Variants in DCLK1 observed in about 807,000 individuals in gnomAD.
The protein encoded by DCLK1 is doublecortin like kinase 1.
A neutral mutation model predicts 86.2 loss-of-function variants in DCLK1; 16 were observed. The observed-to-expected ratio is 0.19, with a 90% CI of 0.13 to 0.28. The LOEUF (loss-of-function observed/expected upper bound fraction) is 0.28. DCLK1 is among the 10% of genes least tolerant of loss of function. The pLI, the probability that DCLK1 is intolerant of heterozygous loss-of-function variation, is 1.00. For synonymous variants in DCLK1, 369 were observed against 370.5 expected (o/e 1.00, Z 0.05); for missense variants, 590 against 940.2 (o/e 0.63, Z 4.87).
Position 35,806,028 on chromosome 13 carries a change from A to G in DCLK1, c.1864-249T>C, listed in dbSNP as rs192373456. Among the ~76,000 whole-genome samples, 164 of 152,330 alleles carry G rather than the reference A, an allele frequency of 1.1e-3. 2 individuals carry two copies. The highest frequency in any genetic ancestry group is 1.8e-4 in the Non-Finnish European group (12 of 68,026). On this transcript the variant is annotated intron_variant, in intron 14 of 16. Transcript: ENST00000360631. ...TTAATATCAGAATCATTTTCATAAA[A>G]ATGTTTGTAATAGAAAAGAAATTAT...
intron 4 of DCLK1, among the ~76,000 whole-genome samples, chr13:35,873,993 T>C (rs1293334535): frequency 6.6e-6 from 1 of 152,254 alleles, no homozygotes; most frequent in African/African-American, 2.4e-5. Flanking sequence ...TTGTAGGTAG[T>C]TGTTGAAATA....
At chr13:35,835,334 G>A (rs1214578951) in intron 8 of DCLK1, among the ~76,000 whole-genome samples, 2 of 152,138 alleles carry the variant, frequency 1.3e-5, no homozygotes, top group Non-Finnish European at 2.9e-5. Context: ...CCAGCCCTGA[G>A]GAGAAGCTGC....
intron 15 of DCLK1, among the ~76,000 whole-genome samples, chr13:35,804,007 A>C (rs1017965738): frequency 1.3e-5 from 2 of 152,240 alleles, no homozygotes; most frequent in African/African-American, 4.8e-5. Context: ...TTACAAAGTT[A>C]CAATGTTGTT....
intron 3 of DCLK1, among the ~76,000 whole-genome samples, chr13:36,041,321 G>T (rs575754668): frequency 6.6e-6 from 1 of 152,182 alleles, no homozygotes; most frequent in African/African-American, 2.4e-5. Flanking sequence ...TGAGTACCTG[G>T]CTTCCACCAT....
intron 9 of DCLK1, 38 bp downstream of exon 9, chr13:35,828,212 G>A: frequency 6.5e-7 from 1 of 1,537,000 alleles, no homozygotes; most frequent in African/African-American, 1.4e-5. Context: ...TTGACCTCTT[G>A]AACACTCTTA....
intron 3 of DCLK1, among the ~76,000 whole-genome samples, chr13:36,084,419 T>A (rs527510247): frequency 8.5e-5 from 13 of 152,152 alleles, no homozygotes; most frequent in African/African-American, 3.1e-4. Flanking sequence ...AAAACACTTA[T>A]GTATAATCTG....
chr13:35,805,873 C>T (rs2087017048), intron 14 of DCLK1, 94 bp from the exon 15 acceptor site: 2 of 1,142,324 alleles, frequency 1.8e-6, no homozygotes, highest in African/African-American at 1.6e-5. Context: ...TTTCGAAAAG[C>T]ATTTGTAAAA....
chr13:35,879,430 C>T (rs1872760598), intron 4 of DCLK1, among the ~76,000 whole-genome samples: 1 of 152,190 alleles, frequency 6.6e-6, no homozygotes, highest in African/African-American at 2.4e-5. Context: ...AGAGTCACAG[C>T]TCAGATCTAC....
intron 3 of DCLK1, among the ~76,000 whole-genome samples, chr13:35,960,791 A>C (rs773137342): frequency 8.5e-5 from 13 of 152,142 alleles, no homozygotes; most frequent in African/African-American, 1.2e-4. Context: ...AATAATTTCT[A>C]ATGGTTGATT....
chr13:35,902,645 C>T (rs536533276), intron 4 of DCLK1, among the ~76,000 whole-genome samples: 50 of 152,226 alleles, frequency 3.3e-4, no homozygotes, highest in Admixed American at 5.9e-4. Context: ...GGAACAGAAG[C>T]AGAGCTGTAA....
At chr13:36,071,868 A>C (rs1399090953) in intron 3 of DCLK1, among the ~76,000 whole-genome samples, 1 of 152,192 alleles carries the variant, frequency 6.6e-6, no homozygotes, top group African/African-American at 2.4e-5. Context: ...AACACAACAG[A>C]ACTCGAATTT....
At chr13:35,853,185 C>T (rs966180885) in intron 6 of DCLK1, among the ~76,000 whole-genome samples, 6 of 152,144 alleles carry the variant, frequency 3.9e-5, no homozygotes, top group African/African-American at 1.4e-4. Context: ...CCAAATTAGA[C>T]TGTGGCCAAG....
chr13:35,972,119 C>T (rs893559725), intron 3 of DCLK1, among the ~76,000 whole-genome samples: 1 of 152,200 alleles, frequency 6.6e-6, no homozygotes, highest in African/African-American at 2.4e-5. Flanking sequence ...TTCCGTGGCT[C>T]AGCACCAGCA....
chr13:36,085,965 T>A (rs2138123585), intron 3 of DCLK1, among the ~76,000 whole-genome samples: 1 of 152,328 alleles, frequency 6.6e-6, no homozygotes, highest in Non-Finnish European at 1.5e-5. Flanking sequence ...TAAAATAGAT[T>A]ACTTCTGTGA....
intron 3 of DCLK1, among the ~76,000 whole-genome samples, chr13:36,031,822 G>A (rs1882288910): frequency 1.3e-5 from 2 of 152,188 alleles, no homozygotes; most frequent in Admixed American, 1.3e-4. Context: ...CTTTGCACGT[G>A]GCTTCTACAC....
At chr13:35,958,279 T>TTACTACTATAACCACCACCACCACCAC (rs1593768854) in intron 3 of DCLK1, among the ~76,000 whole-genome samples, 4,394 of 8,168 alleles carry the variant, frequency 0.54, 1,103 homozygotes, top group Middle Eastern at 0.83. Context: ...ATTACCACCA[T>TTACTACTATAACCACCACCACCACCAC]CACTGCCACT....
At chr13:35,922,543 A>C (rs1566604323) in intron 4 of DCLK1, among the ~76,000 whole-genome samples, 1 of 152,246 alleles carries the variant, frequency 6.6e-6, no homozygotes, top group Non-Finnish European at 1.5e-5. Flanking sequence ...CTATCTCTGA[A>C]CAAGAATATT....
At chr13:36,004,652 T>C (rs986691497) in intron 3 of DCLK1, among the ~76,000 whole-genome samples, 2 of 152,260 alleles carry the variant, frequency 1.3e-5, no homozygotes, top group East Asian at 3.9e-4. Context: ...AGTGCAGTGG[T>C]GCAATCTCGG....
At chr13:35,843,678 A>G (rs916067552) in intron 6 of DCLK1, among the ~76,000 whole-genome samples, 3 of 152,222 alleles carry the variant, frequency 2.0e-5, no homozygotes, top group African/African-American at 7.2e-5. Context: ...AAATCTCACC[A>G]CACAACTTTA....
Sources: gnomAD v4.1 joint callset for allele counts (sites outside exome capture counted in the v4.1 genomes callset) on GRCh38, gnomAD v4.1.1 for gene constraint, MANE v1.5 for transcripts, NCBI Gene and HGNC (gene_info 2026-07-23, HGNC 2026-07-21) for gene names.